The following CEP89 variants were observed in gnomAD, a reference collection of about 807,000 sequenced individuals.
CEP89 encodes centrosomal protein 89, also known as centrosomal protein of 89 kDa.
Under a neutral mutation model 97.6 loss-of-function variants are expected in CEP89, and 95 were observed. That is an observed-to-expected ratio of 0.97 (90% CI 0.82 to 1.15). The LOEUF is 1.15. Ranked by LOEUF, CEP89 falls within the 50% of genes most tolerant of loss-of-function variation. The pLI is 0.00. For synonymous variants in CEP89, 354 were observed against 349.1 expected, an observed-to-expected ratio of 1.01 and a Z score of -0.16; for missense variants, 869 against 947.7, an observed-to-expected ratio of 0.92 and a Z score of 1.09.
At chr19:32,912,533 C>G (rs943413064) in intron 14 of CEP89, among the ~76,000 whole-genome samples, 17 of 152,152 alleles carry the variant, frequency 1.1e-4, no homozygotes, top group African/African-American at 3.6e-4. Context: ...CTTGCCTGCC[C>G]CCACAATTGT....
chr19:32,887,329 C>G (rs541474455), intron 17 of CEP89, among the ~76,000 whole-genome samples: 21 of 151,886 alleles, frequency 1.4e-4, no homozygotes, highest in Non-Finnish European at 2.2e-4. Flanking sequence ...TGGAGCCTCC[C>G]CCATCAGCCT....
chr19:32,887,014 C>T (rs373756431), intron 17 of CEP89, among the ~76,000 whole-genome samples: 1 of 76,512 alleles, frequency 1.3e-5, no homozygotes, highest in African/African-American at 5.1e-5. Context: ...CATCTCTAAA[C>T]AAAAAAAAAA....
chr19:32,900,246 A>ATTT (rs55730702), intron 15 of CEP89, among the ~76,000 whole-genome samples: 26,253 of 133,614 alleles, frequency 0.2, 2,848 homozygotes, highest in African/African-American at 0.24. Context: ...GAATAGGTTC[A>ATTT]TTTTTTTTTT....
Position 32,902,792 on chromosome 19 carries a change from C to T in CEP89, c.1566-1380G>A, listed in dbSNP as rs192580101. On this transcript the variant is annotated intron_variant, in intron 14 of 18. Transcript: ENST00000305768. ...ACCTTGAAGGGTCTTTGGCTGGGTA[C>T]TGATCTGTCCGTGTGTGAGAGGAAA... Among the ~76,000 whole-genome samples the T allele has an allele frequency of 3.4e-3, 525 of 152,288 alleles. 1 individual carries two copies. The highest frequency in any genetic ancestry group is 0.012 in the African/African-American group (489 of 41,564).
chr19:32,943,208 G>A (rs933723301), intron 5 of CEP89, among the ~76,000 whole-genome samples: 6 of 152,182 alleles, frequency 3.9e-5, no homozygotes, highest in African/African-American at 1.4e-4. Flanking sequence ...TGTTGCCCAG[G>A]CTGGTCTCAA....
intron 3 of CEP89, among the ~76,000 whole-genome samples, chr19:32,956,049 C>CTTTTTTTTTTTTTT (rs202179963): frequency 1.9e-5 from 2 of 105,746 alleles, no homozygotes; most frequent in Admixed American, 1.0e-4. Flanking sequence ...CAATTTGGTT[C>CTTTTTTTTTTTTTT]TTTTTTTTTT....
chr19:32,928,000 C>T (rs1250105292), intron 9 of CEP89, among the ~76,000 whole-genome samples: 1 of 144,980 alleles, frequency 6.9e-6, no homozygotes, highest in Admixed American at 7.2e-5. Context: ...ACTGTAACAT[C>T]TGCCTCCCAG....
chr19:32,941,746 G>C (rs1245116676), intron 5 of CEP89, among the ~76,000 whole-genome samples: 1 of 151,986 alleles, frequency 6.6e-6, no homozygotes, highest in East Asian at 1.9e-4. Context: ...CCCTAACTGA[G>C]AGACAACCAC....
chr19:32,953,848 A>C, intron 3 of CEP89, 47 bp from the exon 4 acceptor site: 37 of 1,193,368 alleles, frequency 3.1e-5, no homozygotes, highest in Non-Finnish European at 3.9e-5. Context: ...GTCACTTAAC[A>C]CTTGACACTG....
Position 32,910,132 on chromosome 19 carries a change from A to C in CEP89, c.1565+5205T>G, listed in dbSNP as rs575374519. On this transcript the variant is annotated intron_variant, in intron 14 of 18. Coordinates refer to ENST00000305768, the MANE Select transcript of CEP89 (RefSeq NM_032816.5). ...AAAAATTAGCCAAGCGTGGTGGCAC[A>C]CTCCTATAATCCCAGCTACTCAGGT... Among the ~76,000 whole-genome samples the C allele has an allele frequency of 2.0e-5, 3 of 152,166 alleles. No individual in the cohort carries two copies. The East Asian group carries it at 5.8e-4, about 29-fold the overall frequency.
In CEP89 at chr19:32,879,172, G is replaced by A; in HGVS notation, c.2342C>T (p.Pro781Leu). The change falls in exon 19 of 19, where the codon CCC becomes CTC. Residue 781 changes from proline (P) to leucine (L), a missense_variant. Coordinates refer to ENST00000305768, the MANE Select transcript of CEP89 (RefSeq NM_032816.5). ...VCSYDLKSHA[P>L]TC is the part of the protein sequence containing the mutation. ...GGGCTCCCGCAGATTCTAGCAGGTG[G>A]GGGCATGAGACTTCAGGTCATAGGA... The A allele has an allele frequency of 1.9e-6, 3 of 1,607,760 alleles. No individual in the cohort carries two copies. The highest frequency in any genetic ancestry group is 2.6e-6 in the Non-Finnish European group (3 of 1,175,872).
chr19:32,956,837 G>A (rs1971059565), intron 3 of CEP89, among the ~76,000 whole-genome samples: 1 of 152,152 alleles, frequency 6.6e-6, no homozygotes, highest in African/African-American at 2.4e-5. Flanking sequence ...TGGTGTAAAA[G>A]CAAATAGCAG....
Position 32,878,023 on chromosome 19 carries a change from G to A in CEP89, c.*1139C>T, listed in dbSNP as rs569036248. The stretch of plus-strand genomic sequence containing the variant: ...TCGAACTCCTGGCCTCGGGTGATCC[G>A]CCTGCCTCGACCTCCCAAAGTGCTG... On this transcript the variant is annotated 3_prime_UTR_variant, in exon 19 of 19. Transcript: ENST00000305768. 31 of 152,204 alleles carry A rather than the reference G, an allele frequency of 2.0e-4. No individual in the cohort carries two copies. Among genetic ancestry groups the A allele is most frequent in the Admixed American group, 5.9e-4 (9 of 15,288 alleles). 9.4% of individuals were successfully genotyped at this position (152,204 alleles called of 1,614,324 possible).
chr19:32,944,220 T>TTAAAAAAAAAA (rs1970747144), intron 5 of CEP89, among the ~76,000 whole-genome samples: 1 of 62,420 alleles, frequency 1.6e-5, no homozygotes, highest in South Asian at 7.0e-4. Flanking sequence ...TGAGACCCTG[T>TTAAAAAAAAAA]AAAAAAAAAA....
intron 4 of CEP89, among the ~76,000 whole-genome samples, chr19:32,950,669 C>A (rs1447453885): frequency 6.6e-6 from 1 of 152,190 alleles, no homozygotes; most frequent in Admixed American, 6.5e-5. Context: ...CATACACATA[C>A]CATTCCTCAG....
intron 17 of CEP89, among the ~76,000 whole-genome samples, chr19:32,883,704 C>T (rs1029039403): frequency 6.6e-5 from 10 of 152,038 alleles, no homozygotes; most frequent in African/African-American, 2.2e-4. Flanking sequence ...CAAATGCCTA[C>T]ATTATTTCTA....
chr19:32,957,201 C>T (rs1427391251), intron 3 of CEP89, among the ~76,000 whole-genome samples: 1 of 151,420 alleles, frequency 6.6e-6, no homozygotes, highest in Non-Finnish European at 1.5e-5. Flanking sequence ...TTTATTGCAT[C>T]AATTGAGGGG....
At chr19:32,910,176 G>C (rs1969967947) in intron 14 of CEP89, among the ~76,000 whole-genome samples, 1 of 152,140 alleles carries the variant, frequency 6.6e-6, no homozygotes, top group Admixed American at 6.5e-5. Flanking sequence ...CACAAGAATT[G>C]CTTGAACCCA....
intron 14 of CEP89, among the ~76,000 whole-genome samples, chr19:32,908,644 G>A (rs1969938464): frequency 6.6e-6 from 1 of 152,188 alleles, no homozygotes; most frequent in Non-Finnish European, 1.5e-5. Context: ...GCTTTGGAGG[G>A]CACTTCGGAG....
Sources: gnomAD v4.1 joint callset for allele counts (sites outside exome capture counted in the v4.1 genomes callset) on GRCh38, gnomAD v4.1.1 for gene constraint, MANE v1.5 for transcripts, NCBI Gene and HGNC (gene_info 2026-07-23, HGNC 2026-07-21) for gene names.